Variants in DNAH9 observed in about 807,000 individuals in gnomAD.
The protein encoded by DNAH9 is dynein axonemal heavy chain 9.
DNAH9 carries 345 observed loss-of-function variants against 471.6 expected under a neutral mutation model. That is an observed-to-expected ratio of 0.73 (90% CI 0.67 to 0.80). The LOEUF is 0.80. DNAH9 is among the 30% of genes least tolerant of loss of function. DNAH9 has a pLI of 0.00. For missense variants in DNAH9, 5,407 were observed against 5,609.2 expected (o/e 0.96, Z 1.15); for synonymous variants, 2,093 against 2,123.6 (o/e 0.99, Z 0.40).
At chr17:11,796,305 T>G (rs757719447) in intron 42 of DNAH9, among the ~76,000 whole-genome samples, 5 of 152,268 alleles carry the variant, frequency 3.3e-5, no homozygotes, top group Admixed American at 6.5e-5. Context: ...ATAGCAAGAA[T>G]AGTCCTCCTG....
chr17:11,638,027 T>G (rs2073196044), intron 9 of DNAH9, among the ~76,000 whole-genome samples: 1 of 152,180 alleles, frequency 6.6e-6, no homozygotes, highest in Non-Finnish European at 1.5e-5. Context: ...CCAAACAAGG[T>G]GTGCAGAAGA....
chr17:11,790,257 G>A (rs1969016524), intron 41 of DNAH9, among the ~76,000 whole-genome samples: 1 of 151,938 alleles, frequency 6.6e-6, no homozygotes, highest in African/African-American at 2.4e-5. Flanking sequence ...TTCAGTCCCT[G>A]AGAGAGATGT....
At chr17:11,631,641 A>C (rs1278882097) in intron 7 of DNAH9, among the ~76,000 whole-genome samples, 2 of 59,902 alleles carry the variant, frequency 3.3e-5, no homozygotes, top group African/African-American at 1.7e-4. Context: ...ACTCTGTCTC[A>C]AAAAAAAAAA....
chr17:11,815,644 CG>C (rs1441727048), intron 45 of DNAH9, among the ~76,000 whole-genome samples: 1 of 152,022 alleles, frequency 6.6e-6, no homozygotes, highest in Non-Finnish European at 1.5e-5. Flanking sequence ...CAAAGAGTAT[CG>C]GGGCTTGATG....
chr17:11,717,478 G>A (rs2074983647), intron 26 of DNAH9, among the ~76,000 whole-genome samples: 1 of 151,980 alleles, frequency 6.6e-6, no homozygotes. Flanking sequence ...CAGAGTCTCA[G>A]AGTCTCTGGT....
chr17:11,926,620 G>C (rs1015600352), intron 62 of DNAH9, among the ~76,000 whole-genome samples: 8 of 152,122 alleles, frequency 5.3e-5, no homozygotes, highest in African/African-American at 1.9e-4. Context: ...GTATTCCATG[G>C]TGTATATGTA....
chr17:11,874,137 T>C lies in DNAH9; in HGVS notation c.10243-812T>C, dbSNP rs554494209. Among the ~76,000 whole-genome samples the C allele has an allele frequency of 8.9e-3, 1,328 of 148,732 alleles. 18 individuals carry two copies. The highest frequency in any genetic ancestry group is 0.031 in the African/African-American group (1,262 of 40,166). On this transcript the variant is annotated intron_variant, in intron 52 of 68. Transcript: ENST00000262442. ...GCAGGCACCTGTAATCCCAGCCACC[T>C]GGGAGGCTGAGGCAGGAGAATCACT...
At chr17:11,813,423 A>C (rs951255535) in intron 45 of DNAH9, among the ~76,000 whole-genome samples, 2 of 152,174 alleles carry the variant, frequency 1.3e-5, no homozygotes, top group African/African-American at 4.8e-5. Flanking sequence ...ACCGACTGCC[A>C]GTTCAGCCAA....
intron 67 of DNAH9, among the ~76,000 whole-genome samples, chr17:11,949,282 G>A (rs1474657916): frequency 2.0e-5 from 3 of 152,146 alleles, no homozygotes; most frequent in African/African-American, 4.8e-5. Flanking sequence ...TGCCAAAACC[G>A]AGGAAGCACC....
At chr17:11,843,149 C>T (rs1971088123) in intron 49 of DNAH9, among the ~76,000 whole-genome samples, 1 of 152,162 alleles carries the variant, frequency 6.6e-6, no homozygotes, top group South Asian at 2.1e-4. Flanking sequence ...GCTCCCTTCA[C>T]TACTGTAATT....
At chr17:11,949,780 A>G (rs72815473) in intron 67 of DNAH9, among the ~76,000 whole-genome samples, 26,093 of 152,114 alleles carry the variant, frequency 0.17, 2,341 homozygotes, top group Admixed American at 0.21. Flanking sequence ...TGCCCAGCCA[A>G]TGATTTTTTA....
At chr17:11,599,067 A>T in intron 1 of DNAH9, 152 bp downstream of exon 1, 1 of 649,906 alleles carries the variant, frequency 1.5e-6, no homozygotes. Flanking sequence ...GAGGCTGTGG[A>T]GGGAGCACAA....
At chr17:11,773,535 A>G (rs931991029) in intron 38 of DNAH9, among the ~76,000 whole-genome samples, 6 of 151,988 alleles carry the variant, frequency 3.9e-5, no homozygotes, top group Non-Finnish European at 2.9e-5. Context: ...ACTCACTTAT[A>G]TGATTTTTTA....
In DNAH9 at chr17:11,626,085, T is replaced by TTTTG. The variant is rs1246642552; in HGVS notation, c.1351-3321_1351-3318dup. Among the ~76,000 whole-genome samples, 1 of 152,190 alleles carries TTTTG rather than the reference T, an allele frequency of 6.6e-6. No individual in the cohort carries two copies. The highest frequency in any genetic ancestry group is 1.9e-4 in the East Asian group (1 of 5,200). On this transcript the variant is annotated intron_variant, in intron 6 of 68. Coordinates refer to ENST00000262442, the MANE Select transcript of DNAH9 (RefSeq NM_001372.4). The surrounding 1 kb of genome is among the most constrained non-coding windows in gnomAD (Gnocchi z 4.3). ...ACCAGAGTTGCGTAAACTCAGGGTT[T>TTTTG]TTTGTTTGTTTGTTCTGGCCCTAGA...
intron 49 of DNAH9, among the ~76,000 whole-genome samples, chr17:11,841,676 T>A (rs545961234): frequency 6.6e-6 from 1 of 152,108 alleles, no homozygotes; most frequent in Admixed American, 6.5e-5. Context: ...AACAGAACTG[T>A]TTTAGGATAA....
Position 11,869,253 on chromosome 17 carries a change from G to A in DNAH9, c.10053G>A (p.Leu3351=). 1.9e-6 allele frequency: 3 copies of A among 1,613,290 alleles called. No individual in the cohort carries two copies. Among genetic ancestry groups the A allele is most frequent in the Non-Finnish European group, 2.5e-6 (3 of 1,179,662 alleles). ...TAVTISLANR[L]VGGLASENVR... ...TCACCATCTCCCTTGCCAACCGCCT[G>A]GTGAGTGTAAGCCACAGCAGCCCGA... Residue 3351 remains leucine (L), a splice_region_variant and synonymous_variant, in exon 51 of 69, where the codon CTG becomes CTA. Transcript: ENST00000262442.
intron 53 of DNAH9, among the ~76,000 whole-genome samples, chr17:11,879,647 A>G (rs1972635891): frequency 6.7e-6 from 1 of 150,040 alleles, no homozygotes; most frequent in Non-Finnish European, 1.5e-5. Context: ...GTGTATCAAT[A>G]TGGCCTAATA....
chr17:11,868,469 T>C (rs979675772), intron 50 of DNAH9, among the ~76,000 whole-genome samples: 2 of 152,144 alleles, frequency 1.3e-5, no homozygotes, highest in Non-Finnish European at 2.9e-5. Flanking sequence ...CTTAATACAT[T>C]TTTAAATATT....
chr17:11,650,885 CT>C (rs1393294761), intron 12 of DNAH9, among the ~76,000 whole-genome samples, 183 bp from the exon 13 acceptor site: 3 of 152,204 alleles, frequency 2.0e-5, no homozygotes, highest in Non-Finnish European at 4.4e-5. Context: ...TCCGAGACAT[CT>C]TCCTTCTGCC....
Sources: allele counts gnomAD v4.1 joint callset (sites outside exome capture counted in the v4.1 genomes callset), GRCh38; gene constraint gnomAD v4.1.1; non-coding constraint Gnocchi (gnomAD v3.1); transcripts MANE v1.5; gene names NCBI Gene and HGNC (gene_info 2026-07-23, HGNC 2026-07-21).